Variants in NKX6-3 observed in about 807,000 individuals in gnomAD.
The protein encoded by NKX6-3 is NK6 homeobox 3, also known as homeobox protein Nkx-6.3.
NKX6-3 carries 17 observed loss-of-function variants against 22.0 expected under a neutral mutation model. That is an observed-to-expected ratio of 0.77 (90% CI 0.53 to 1.16). The LOEUF (loss-of-function observed/expected upper bound fraction) is 1.16, where lower values mean the gene tolerates loss of function less well. NKX6-3 is among the 50% of genes most tolerant of loss of function. The pLI is 0.00. For missense variants in NKX6-3, 363 were observed against 359.0 expected, an observed-to-expected ratio of 1.01 and a Z score of -0.09; for synonymous variants, 177 against 167.2, an observed-to-expected ratio of 1.06 and a Z score of -0.45.
At chr8:41,648,574 T>G (rs1188579116) in intron 1 of NKX6-3, among the ~76,000 whole-genome samples, 2 of 152,218 alleles carry the variant, frequency 1.3e-5, no homozygotes, top group Non-Finnish European at 2.9e-5. Flanking sequence ...CCCAGGGATG[T>G]CCCTTCAGGT....
chr8:41,647,629 G>A (rs1804238926), intron 2 of NKX6-3, among the ~76,000 whole-genome samples: 2 of 152,186 alleles, frequency 1.3e-5, no homozygotes, highest in South Asian at 4.1e-4. Context: ...TTTGCTGACT[G>A]GAGCATCAAG....
intron 2 of NKX6-3, among the ~76,000 whole-genome samples, chr8:41,646,973 T>TC (rs1563289621): frequency 1.4e-5 from 1 of 71,040 alleles, no homozygotes; most frequent in African/African-American, 6.0e-5. Flanking sequence ...TCCTCCTCCT[T>TC]CTCCTCCTCC....
chr8:41,650,628 T>G lies in NKX6-3; in HGVS notation c.-136A>C. 1.1e-6 allele frequency: 1 copy of G among 919,506 alleles called. No individual in the cohort carries two copies. Among genetic ancestry groups the G allele is most frequent in the South Asian group, 1.7e-5 (1 of 57,344 alleles). The allele number at this position is 919,506 out of a possible 1,614,324, so 57.0% of individuals were successfully genotyped here. On this transcript the variant is annotated 5_prime_UTR_variant, in exon 1 of 3. An upstream start codon of the reference 5' UTR is lost. Transcript: ENST00000518699. Reference sequence around the variant, plus strand: ...TCCTGACTGCCTCCCACCTAAGGCATGGGCCAGGCCCTGGCCCAGGAACCG... The same window carrying G: ...TCCTGACTGCCTCCCACCTAAGGCAGGGGCCAGGCCCTGGCCCAGGAACCG...
chr8:41,648,087 G>A lies in NKX6-3; in HGVS notation c.531C>T (p.Gly177=), dbSNP rs1450655403. Residue 177 remains glycine (G), a synonymous_variant, in exon 2 of 3, where the codon GGC becomes GGT. Transcript: ENST00000518699. ...PERARLAYSL[G]MTESQVKVWF... ...TTACCTTGACCTGCGACTCGGTCAT[G>A]CCCAGTGAGTATGCCAGCCGTGCCC... 2.0e-6 allele frequency: 3 copies of A among 1,535,756 alleles called. No individual in the cohort carries two copies. Among genetic ancestry groups the A allele is most frequent in the African/African-American group, 2.7e-5 (2 of 73,040 alleles).
At chr8:41,648,865 C>G (rs1390913739) in intron 1 of NKX6-3, among the ~76,000 whole-genome samples, 5 of 152,246 alleles carry the variant, frequency 3.3e-5, no homozygotes, top group Non-Finnish European at 7.3e-5. Context: ...TCCCACATGT[C>G]AGGCCTCGTT....
chr8:41,646,088 T>G lies in NKX6-3; in HGVS notation c.*361A>C. 5 of 272,658 alleles carry G rather than the reference T, an allele frequency of 1.8e-5. No individual in the cohort carries two copies. The highest frequency in any genetic ancestry group is 2.1e-5 in the Non-Finnish European group (3 of 145,296). The allele number at this position is 272,658 out of a possible 1,614,324, so 16.9% of individuals were successfully genotyped here. A position where few individuals can be genotyped will look rare whatever the true frequency, so the allele number is the denominator to read the frequency against. On this transcript the variant is annotated 3_prime_UTR_variant, in exon 3 of 3. Transcript: ENST00000518699. ...GGCATGTCTGGGACCCCACAGCCAG[T>G]TTCTTGGCTGCAGAGCCTGGTCATT...
At chr8:41,647,159 A>C (rs372865152) in intron 2 of NKX6-3, 1 of 1,607,912 alleles carries the variant, frequency 6.2e-7, no homozygotes, top group Non-Finnish European at 8.5e-7. Flanking sequence ...ACGTAGGTCC[A>C]TTGCTTGGGA....
Position 41,650,515 on chromosome 8 carries a change from A to T in NKX6-3, c.-23T>A, listed in dbSNP as rs28516847. 1.9e-3 allele frequency: 2,934 copies of T among 1,532,016 alleles called. 65 individuals are homozygous for T. In the African/African-American group the frequency reaches 0.037, roughly 19 times the overall value. 94.9% of individuals were successfully genotyped at this position (1,532,016 alleles called of 1,614,324 possible). On this transcript the variant is annotated 5_prime_UTR_variant, in exon 1 of 3. Transcript: ENST00000518699. ...CATGATCTCCCAGTCAGGACAGGGAAGGCTTCTCCAGGCCCCTAAAACCCA... is the reference window on the plus strand; with the variant it reads ...CATGATCTCCCAGTCAGGACAGGGATGGCTTCTCCAGGCCCCTAAAACCCA...
Position 41,650,637 on chromosome 8 carries a change from C to G in NKX6-3, c.-145G>C. On this transcript the variant is annotated 5_prime_UTR_variant, in exon 1 of 3. Coordinates refer to ENST00000518699, the MANE Select transcript of NKX6-3 (RefSeq NM_001364841.2). ...CCTCCCACCTAAGGCATGGGCCAGG[C>G]CCTGGCCCAGGAACCGGCACCCGAT... 7 of 859,302 alleles carry G rather than the reference C, an allele frequency of 8.1e-6. No homozygotes were observed. The highest frequency in any genetic ancestry group is 1.2e-5 in the Non-Finnish European group (7 of 575,958). The allele number at this position is 859,302 out of a possible 1,614,324, so 53.2% of individuals were successfully genotyped here.
rs1804197406 is a variant in NKX6-3, at chr8:41,646,272, C to G, written c.*177G>C. ...GTCCCCTTTCCCTCCTTTTCCTCCT[C>G]CTCCCCCGCCTCCCCTCCTCCTCCC... On this transcript the variant is annotated 3_prime_UTR_variant, in exon 3 of 3. Transcript: ENST00000518699. 2.4e-6 allele frequency: 2 copies of G among 819,998 alleles called. No homozygotes were observed. The highest frequency in any genetic ancestry group is 3.7e-6 in the Non-Finnish European group (2 of 536,560). The allele number at this position is 819,998 out of a possible 1,614,324, so 50.8% of individuals were successfully genotyped here.
Position 41,650,266 on chromosome 8 carries a change from T to TG in NKX6-3, c.226dup (p.His76ProfsTer59). The TG allele has an allele frequency of 6.5e-7, 1 of 1,533,626 alleles. No homozygotes were observed. The highest frequency in any genetic ancestry group is 1.2e-5 in the South Asian group (1 of 83,726). On this transcript the variant is annotated frameshift_variant, in exon 1 of 3. Coordinates refer to ENST00000518699, the MANE Select transcript of NKX6-3 (RefSeq NM_001364841.2). LOFTEE classifies it high-confidence loss of function. ...GCTGAGCCCCCCAAAGCCTGCCACG[T>TG]GGGGGTAGCCGGAGAGGAGGCTGTT...
At chr8:41,647,172 G>T (rs375674851) in intron 2 of NKX6-3, 1 of 1,611,918 alleles carries the variant, frequency 6.2e-7, no homozygotes, top group South Asian at 1.1e-5. Context: ...GCTTGGGATA[G>T]TTGAAGAGGG....
Position 41,650,326 on chromosome 8 carries a change from G to T in NKX6-3, c.167C>A (p.Thr56Lys). 2.0e-6 allele frequency: 3 copies of T among 1,534,918 alleles called. No homozygotes were observed. Among genetic ancestry groups the T allele is most frequent in the Non-Finnish European group, 2.6e-6 (3 of 1,146,238 alleles). ...QLAAGTPHGI[T>K]DILSRPVAAP... ...AGCCACGGGCCTGCTCAGGATGTCC[G>T]TGATCCCGTGGGGGGTTCCGGCGGC... Residue 56 changes from threonine (T) to lysine (K), a missense_variant, in exon 1 of 3, where the codon ACG becomes AAG. By Grantham distance (78) the Thr-to-Lys change is moderately conservative. Transcript: ENST00000518699.
rs747450496 is a variant in NKX6-3, at chr8:41,646,495, T to C, written c.752A>G (p.His251Arg). 3.1e-6 allele frequency: 5 copies of C among 1,610,436 alleles called. No homozygotes were observed. The South Asian group carries it at 5.5e-5, about 18-fold the overall frequency. ...GCTGAGCACCGAGAAGGCGGCGCGG[T>C]GCTTGCGCAGCAGCAGGCGGATCTT... ...DEKIRLLLRK[H>R]RAAFSVLSLG... Residue 251 changes from histidine to arginine, a missense_variant, in exon 3 of 3, where the codon CAC (histidine) becomes CGC (arginine). This residue lies in a region of NKX6-3 where 169 missense variants were observed against 155.8 expected (regional missense o/e 1.08). Coordinates refer to ENST00000518699, the MANE Select transcript of NKX6-3 (RefSeq NM_001364841.2).
Position 41,648,222 on chromosome 8 carries a change from CA to C in NKX6-3, c.395del (p.Leu132ArgfsTer47). The C allele has an allele frequency of 6.5e-7, 1 of 1,536,070 alleles. No individual in the cohort carries two copies. Among genetic ancestry groups the C allele is most frequent in the Non-Finnish European group, 8.7e-7 (1 of 1,146,302 alleles). On this transcript the variant is annotated frameshift_variant, in exon 2 of 3. Transcript: ENST00000518699. LOFTEE classifies it high-confidence loss of function. ...GCTTCTTCTTGTGTATGCTGTCACT[CA>C]GGGGGTCTGGGGCTGGCAGGAGGAA... ...GRQCSNTPDP[L>X]SDSIHKKKHT...
Position 41,650,173 on chromosome 8 carries a change from C to T in NKX6-3, c.320G>A (p.Arg107Gln), listed in dbSNP as rs770891072. ...FSKAGNEYPTRTRNCWADTGQ... is the reference protein window; with the variant it reads ...FSKAGNEYPTQTRNCWADTGQ... Reference sequence around the variant, plus strand: ...CGTGTCCGCCCAGCAGTTCCGGGTCCGGGTCGGGTACTCGTTCCCAGCCTT... The same window carrying T: ...CGTGTCCGCCCAGCAGTTCCGGGTCTGGGTCGGGTACTCGTTCCCAGCCTT... The change falls in exon 1 of 3, where the codon CGG becomes CAG. Residue 107 changes from arginine (R) to glutamine (Q), a missense_variant. Physicochemically the swap from Arg to Gln is conservative, Grantham distance 43 (BLOSUM62 1). Around this residue, in one of 3 missense-constraint regions of NKX6-3, gnomAD observed 175 missense variants for 160.9 expected, o/e 1.09. Coordinates refer to ENST00000518699, the MANE Select transcript of NKX6-3 (RefSeq NM_001364841.2). The T allele has an allele frequency of 5.2e-6, 8 of 1,535,392 alleles. No homozygotes were observed. The highest frequency in any genetic ancestry group is 2.0e-5 in the Admixed American group (1 of 50,904).
chr8:41,647,890 C>G (rs755161478), intron 2 of NKX6-3, among the ~76,000 whole-genome samples, 176 bp downstream of exon 2: 9 of 152,164 alleles, frequency 5.9e-5, no homozygotes, highest in Non-Finnish European at 7.4e-5. Flanking sequence ...CTCAGCCTTT[C>G]CCGGCTATGG....
At chr8:41,647,819 G>A (rs1393288646) in intron 2 of NKX6-3, among the ~76,000 whole-genome samples, 1 of 152,108 alleles carries the variant, frequency 6.6e-6, no homozygotes, top group Non-Finnish European at 1.5e-5. Flanking sequence ...TGATGATACC[G>A]ACCCCCCGGG....
Position 41,650,184 on chromosome 8 carries a change from C to A in NKX6-3, c.309G>T (p.Glu103Asp), listed in dbSNP as rs1456388404. Residue 103 changes from glutamate to aspartate, a missense_variant, in exon 1 of 3, where the codon GAG (glutamate) becomes GAT (aspartate). Glu to Asp is a conservative substitution (Grantham distance 45, BLOSUM62 2). Coordinates refer to ENST00000518699, the MANE Select transcript of NKX6-3 (RefSeq NM_001364841.2). ...AGCAGTTCCGGGTCCGGGTCGGGTACTCGTTCCCAGCCTTGGAAAAATTCC... is the reference window on the plus strand; with the variant it reads ...AGCAGTTCCGGGTCCGGGTCGGGTAATCGTTCCCAGCCTTGGAAAAATTCC... ...QVGNFSKAGN[E>D]YPTRTRNCWA... The A allele has an allele frequency of 6.5e-7, 1 of 1,535,414 alleles. No individual in the cohort carries two copies. The highest frequency in any genetic ancestry group is 2.0e-5 in the Admixed American group (1 of 50,920).
Sources: gnomAD v4.1 joint callset for allele counts (sites outside exome capture counted in the v4.1 genomes callset) on GRCh38, gnomAD v4.1.1 for gene constraint, gnomAD v4.1.1 regional missense constraint, MANE v1.5 for transcripts, NCBI Gene and HGNC (gene_info 2026-07-23, HGNC 2026-07-21) for gene names.